Variants in FBXO34 observed in about 807,000 individuals in gnomAD.
FBXO34 encodes the protein F-box only protein 34.
In FBXO34, 12 loss-of-function variants were observed where a neutral mutation model predicts 24.5. The ratio of observed to expected loss-of-function variants is 0.49; its 90% confidence interval spans 0.31 to 0.79. The LOEUF (loss-of-function observed/expected upper bound fraction) is 0.79, where lower values mean the gene tolerates loss of function less well. Ranked by LOEUF, FBXO34 falls within the 30% of genes least tolerant of loss-of-function variation. The probability of loss-of-function intolerance (pLI) is 0.04; values close to 1 mark genes in which losing one functional copy is unlikely to be tolerated. For synonymous variants in FBXO34, 320 were observed against 311.9 expected (o/e 1.03, Z -0.27); for missense variants, 823 against 857.7 (o/e 0.96, Z 0.51).
intron 1 of FBXO34, among the ~76,000 whole-genome samples, chr14:55,279,274 G>A (rs551056314): frequency 3.6e-5 from 5 of 138,160 alleles, no homozygotes; most frequent in East Asian, 2.1e-4. Context: ...CGACATAAGC[G>A]AGACTCCGTC....
rs200771544 is a variant in FBXO34 at position 55,351,950 on chromosome 14, A to T, written c.1560A>T (p.Ala520=). ...AAGATGCTGCTGGGGGTGACAGTGCATCTGAGGAAAAAAGTGGGTCTGCTG... is the reference window on the plus strand; with the variant it reads ...AAGATGCTGCTGGGGGTGACAGTGCTTCTGAGGAAAAAAGTGGGTCTGCTG... ...QLEDAAGGDS[A]SEEKSGSAEP... is the part of the protein sequence containing the mutation. Residue 520 remains alanine (A), a synonymous_variant, in exon 2 of 2, where the codon GCA becomes GCT. Transcript: ENST00000313833. 14 of 1,614,082 alleles carry T rather than the reference A, an allele frequency of 8.7e-6. No individual in the cohort carries two copies. Among genetic ancestry groups the T allele is most frequent in the Middle Eastern group, 1.6e-4 (1 of 6,084 alleles).
Position 55,351,554 on chromosome 14 carries a change from G to C in FBXO34, c.1164G>C (p.Glu388Asp). The change falls in exon 2 of 2, where the codon GAG becomes GAC. Residue 388 changes from glutamate to aspartate, a missense_variant. Around this residue, in one of 2 missense-constraint regions of FBXO34, gnomAD observed 693 missense variants for 659.1 expected, o/e 1.05. Coordinates refer to ENST00000313833, the MANE Select transcript of FBXO34 (RefSeq NM_017943.4). The part of the protein sequence containing the change: ...AGVSFHIDSA[E>D]LEPGSQTAVK... ...TGAGTTTCCACATAGACAGTGCAGA[G>C]TTAGAGCCGGGTTCGCAAACTGCCG... The C allele has an allele frequency of 6.2e-7, 1 of 1,614,184 alleles. No homozygotes were observed. The highest frequency in any genetic ancestry group is 8.5e-7 in the Non-Finnish European group (1 of 1,180,036).
intron 3 of FBXO34, among the ~76,000 whole-genome samples, chr14:55,359,463 CATT>C (rs1315936419): frequency 6.6e-6 from 1 of 152,174 alleles, no homozygotes; most frequent in Non-Finnish European, 1.5e-5. Context: ...TGTACAATAG[CATT>C]ATGTCTAAAA....
In FBXO34 at chr14:55,271,501, AGCCCCGGGCCAG is replaced by A. The variant is rs1881141779; in HGVS notation, c.-43_-32del. ...CGCCACCACTGCGTCGGGCTGGTGC[AGCCCCGGGCCAG>A]GCCGCGGCCGGGGCAGGAGCGCAGG... On this transcript the variant is annotated 5_prime_UTR_variant, in exon 1 of 2. Transcript: ENST00000313833. The A allele has an allele frequency of 1.3e-5, 2 of 151,540 alleles. No individual in the cohort carries two copies. The highest frequency in any genetic ancestry group is 4.8e-5 in the African/African-American group (2 of 41,308). 9.4% of individuals were successfully genotyped at this position (151,540 alleles called of 1,614,324 possible).
intron 1 of FBXO34, among the ~76,000 whole-genome samples, chr14:55,320,153 T>C (rs10141483): frequency 0.56 from 84,868 of 152,104 alleles, 26,708 homozygotes; most frequent in African/African-American, 0.87. Flanking sequence ...CAGACCTGCA[T>C]CTACCTTGGC....
the FBXO34 span, chr14:55,397,438 T>C: frequency 7.5e-6 from 12 of 1,609,584 alleles, no homozygotes; most frequent in African/African-American, 1.5e-4. Flanking sequence ...GATAAACCTG[T>C]AACAAAAAAA....
rs1382252137 is a variant in FBXO34, at chr14:55,353,102, GTT to G, written c.*579_*580del. ...TGTTTACAGTGTATATAATGGTTGT[GTT>G]TTCATGGGGCTATGAAAGTGCACGT... is the stretch of plus-strand genomic sequence containing the variant. On this transcript the variant is annotated 3_prime_UTR_variant, in exon 2 of 2. Coordinates refer to ENST00000313833, the MANE Select transcript of FBXO34 (RefSeq NM_017943.4). The G allele has an allele frequency of 1.2e-5, 2 of 167,572 alleles. No individual in the cohort carries two copies. Among genetic ancestry groups the G allele is most frequent in the Non-Finnish European group, 1.5e-5 (1 of 68,564 alleles). The allele number at this position is 167,572 out of a possible 1,614,324, so 10.4% of individuals were successfully genotyped here. A position where few individuals can be genotyped will look rare whatever the true frequency, so the allele number is the denominator to read the frequency against.
At chr14:55,438,599 A>G in the FBXO34 span, among the ~76,000 whole-genome samples, 1 of 152,156 alleles carries the variant, frequency 6.6e-6, no homozygotes, top group Non-Finnish European at 1.5e-5. Context: ...TTATCAGGGA[A>G]CAAAGCTACA....
At chr14:55,428,160 C>T in the FBXO34 span, among the ~76,000 whole-genome samples, 243 of 91,514 alleles carry the variant, frequency 2.7e-3, 1 homozygote, top group Non-Finnish European at 4.1e-3. Context: ...GACGGAGTCT[C>T]GCTCTGTCGC....
the FBXO34 span, among the ~76,000 whole-genome samples, chr14:55,388,579 AC>A: frequency 6.6e-6 from 1 of 152,364 alleles, no homozygotes; most frequent in East Asian, 1.9e-4. Context: ...TCTGTATTAT[AC>A]TATATAATGT....
chr14:55,314,620 G>T (rs1352444841), intron 1 of FBXO34, among the ~76,000 whole-genome samples: 6 of 152,140 alleles, frequency 3.9e-5, no homozygotes, highest in African/African-American at 1.4e-4. Context: ...TGTATAAAAT[G>T]ATAGATGATA....
Position 55,331,687 on chromosome 14 carries a change from GTATATATATATATATA to G in FBXO34, c.-10-18692_-10-18677del, listed in dbSNP as rs199998638. On this transcript the variant is annotated intron_variant, in intron 1 of 1. Transcript: ENST00000313833. Reference sequence around the variant, plus strand: ...ATGGTGTGTGTATATATATATATGTGTATATATATATATATATGTATATATATATGTATATATATAT... The same window carrying G: ...ATGGTGTGTGTATATATATATATGTGTGTATATATATATGTATATATATAT... Among the ~76,000 whole-genome samples, 226 of 28,888 alleles carry G rather than the reference GTATATATATATATATA, an allele frequency of 7.8e-3. 44 individuals are homozygous for G. Among genetic ancestry groups the G allele is most frequent in the African/African-American group, 0.066 (207 of 3,150 alleles). 19.0% of individuals were successfully genotyped at this position (28,888 alleles called of 152,430 possible).
the FBXO34 span, chr14:55,428,698 C>CTTTT: frequency 1.0e-6 from 1 of 976,182 alleles, no homozygotes; most frequent in Non-Finnish European, 1.4e-6. Flanking sequence ...TGTCCCCCGC[C>CTTTT]TTTTTTTTTT....
intron 1 of FBXO34, among the ~76,000 whole-genome samples, chr14:55,347,513 G>C (rs915302546): frequency 1.3e-5 from 2 of 152,188 alleles, no homozygotes; most frequent in African/African-American, 2.4e-5. Flanking sequence ...CCTTCAACCA[G>C]TGAGGGATTG....
the FBXO34 span, chr14:55,414,328 G>C: frequency 1.4e-5 from 19 of 1,345,864 alleles, no homozygotes; most frequent in Non-Finnish European, 1.9e-5. Context: ...TTCTGTGCTG[G>C]GCTTATGGAC....
intron 1 of FBXO34, among the ~76,000 whole-genome samples, chr14:55,287,969 G>T (rs1260532888): frequency 1.3e-5 from 2 of 152,190 alleles, no homozygotes; most frequent in Non-Finnish European, 2.9e-5. Context: ...GTCACATGAG[G>T]TTGGGTGTGG....
chr14:55,426,525 G>C, the FBXO34 span, among the ~76,000 whole-genome samples: 1 of 152,092 alleles, frequency 6.6e-6, no homozygotes, highest in East Asian at 1.9e-4. Flanking sequence ...GACAATTAGA[G>C]AGGCCTCATG....
chr14:55,440,668 G>T, the FBXO34 span: 2 of 1,168,852 alleles, frequency 1.7e-6, no homozygotes, highest in Non-Finnish European at 2.3e-6. Context: ...GCCCATGGGC[G>T]CTGGGAAGCG....
chr14:55,396,660 G>T, the FBXO34 span, among the ~76,000 whole-genome samples: 1 of 152,180 alleles, frequency 6.6e-6, no homozygotes, highest in East Asian at 1.9e-4. Flanking sequence ...GTTGGGCAGG[G>T]CGTGCTCAGA....
Sources: allele counts gnomAD v4.1 joint callset (sites outside exome capture counted in the v4.1 genomes callset), GRCh38; gene constraint gnomAD v4.1.1; regional missense constraint gnomAD v4.1.1; transcripts MANE v1.5; gene names NCBI Gene and HGNC (gene_info 2026-07-23, HGNC 2026-07-21).